The following CA10 variants were observed in gnomAD, a reference collection of about 807,000 sequenced individuals.
CA10 encodes the protein carbonic anhydrase-related protein 10.
CA10 carries 14 observed loss-of-function variants against 44.2 expected under a neutral mutation model. The observed-to-expected ratio is 0.32, with a 90% CI of 0.21 to 0.50. The LOEUF (loss-of-function observed/expected upper bound fraction) is 0.50. Ranked by LOEUF, CA10 falls within the 20% of genes least tolerant of loss-of-function variation. The pLI is 0.99. For synonymous variants in CA10, 159 were observed against 141.6 expected (o/e 1.12, Z -0.87); for missense variants, 350 against 409.7 (o/e 0.85, Z 1.26).
At chr17:51,758,704 C>T (rs1905139936) in intron 3 of CA10, among the ~76,000 whole-genome samples, 1 of 152,146 alleles carries the variant, frequency 6.6e-6, no homozygotes, top group South Asian at 2.1e-4. Context: ...CCACTGCCAA[C>T]CAATGGTTTT....
At chr17:52,117,071 G>A (rs1298029175) in intron 1 of CA10, among the ~76,000 whole-genome samples, 2 of 152,154 alleles carry the variant, frequency 1.3e-5, no homozygotes, top group Non-Finnish European at 2.9e-5. Context: ...AATTAGAAGT[G>A]TATATCCAAG....
At chr17:51,687,231 T>G (rs1349714435) in intron 4 of CA10, among the ~76,000 whole-genome samples, 2 of 152,242 alleles carry the variant, frequency 1.3e-5, no homozygotes, top group Admixed American at 6.5e-5. Context: ...TAAAATATAC[T>G]TCCTTTGATC....
intron 1 of CA10, among the ~76,000 whole-genome samples, chr17:52,142,642 T>C (rs1266481741): frequency 1.3e-5 from 2 of 152,180 alleles, no homozygotes; most frequent in African/African-American, 4.8e-5. Flanking sequence ...TACCATTTCA[T>C]TCTGATTCAC....
At chr17:52,145,081 CT>C (rs1363458145) in intron 1 of CA10, among the ~76,000 whole-genome samples, 1 of 152,188 alleles carries the variant, frequency 6.6e-6, no homozygotes, top group African/African-American at 2.4e-5. Flanking sequence ...ATGACGACCC[CT>C]AGACTCTTTC....
At chr17:52,003,264 C>T (rs1423146131) in intron 2 of CA10, among the ~76,000 whole-genome samples, 2 of 151,840 alleles carry the variant, frequency 1.3e-5, no homozygotes, top group Non-Finnish European at 2.9e-5. Context: ...GAAGTCTTCC[C>T]TCACCCCTTT....
chr17:52,133,270 T>C (rs1313642941), intron 1 of CA10, among the ~76,000 whole-genome samples: 2 of 152,130 alleles, frequency 1.3e-5, no homozygotes, highest in African/African-American at 4.8e-5. Context: ...GCCCCAGCGG[T>C]GGGGCATCCG....
At chr17:51,671,605 C>T (rs981775987) in intron 4 of CA10, among the ~76,000 whole-genome samples, 4 of 152,050 alleles carry the variant, frequency 2.6e-5, no homozygotes, top group South Asian at 2.1e-4. Flanking sequence ...GTGATTTCAC[C>T]GTGTTAGCCA....
intron 3 of CA10, among the ~76,000 whole-genome samples, chr17:51,771,453 A>G (rs1905608962): frequency 6.6e-6 from 1 of 152,172 alleles, no homozygotes; most frequent in South Asian, 2.1e-4. Context: ...ACTTCTCCCT[A>G]TTATATCACC....
chr17:51,938,226 G>T (rs1211954051), intron 2 of CA10, among the ~76,000 whole-genome samples: 1 of 152,156 alleles, frequency 6.6e-6, no homozygotes, highest in Non-Finnish European at 1.5e-5. Context: ...AAATGGTCTA[G>T]CATAATGTTG....
intron 6 of CA10, among the ~76,000 whole-genome samples, chr17:51,638,911 G>C (rs1912953025): frequency 6.6e-6 from 1 of 152,132 alleles, no homozygotes; most frequent in Non-Finnish European, 1.5e-5. Context: ...GTCAAGGAAG[G>C]AGTGGTGTGT....
At chr17:52,013,872 C>G (rs577326668) in intron 2 of CA10, among the ~76,000 whole-genome samples, 2 of 152,024 alleles carry the variant, frequency 1.3e-5, no homozygotes, top group South Asian at 4.2e-4. Context: ...GCCATAGTTT[C>G]CCCATTCATG....
At chr17:52,140,796 C>T (rs1175184450) in intron 1 of CA10, among the ~76,000 whole-genome samples, 1 of 152,188 alleles carries the variant, frequency 6.6e-6, no homozygotes. Flanking sequence ...GCCTAAGCCG[C>T]TGCTTCTTGA....
chr17:52,110,131 C>A (rs1173630760), intron 1 of CA10, among the ~76,000 whole-genome samples: 5 of 152,196 alleles, frequency 3.3e-5, no homozygotes, highest in Admixed American at 3.3e-4. Flanking sequence ...TCTGTATAAG[C>A]ATGTGATAAA....
intron 1 of CA10, among the ~76,000 whole-genome samples, chr17:52,110,630 G>A (rs879643814): frequency 5.9e-5 from 9 of 152,166 alleles, no homozygotes; most frequent in Admixed American, 5.2e-4. Context: ...AGAGTCGGGG[G>A]AGGAGCTAAG....
At chr17:51,890,516 T>C (rs1287771840) in intron 3 of CA10, among the ~76,000 whole-genome samples, 1 of 152,242 alleles carries the variant, frequency 6.6e-6, no homozygotes, top group East Asian at 1.9e-4. Flanking sequence ...TTTGTTTTTT[T>C]TGCCTTTTAA....
chr17:51,672,843 T>A (rs1343409543), intron 4 of CA10, among the ~76,000 whole-genome samples: 1 of 152,216 alleles, frequency 6.6e-6, no homozygotes, highest in African/African-American at 2.4e-5. Flanking sequence ...CCTGCCAGTC[T>A]CAGTCTTCTC....
chr17:51,882,608 A>G (rs1211932012), intron 3 of CA10, among the ~76,000 whole-genome samples: 1 of 152,174 alleles, frequency 6.6e-6, no homozygotes, highest in Non-Finnish European at 1.5e-5. Context: ...CGCCTGATTT[A>G]GGATGTCAAG....
chr17:51,714,390 C>G (rs536436617), intron 4 of CA10, among the ~76,000 whole-genome samples: 1 of 152,182 alleles, frequency 6.6e-6, no homozygotes, highest in Non-Finnish European at 1.5e-5. Context: ...TAATACCTGT[C>G]TTCTCACAGG....
At chr17:51,965,678 T>C (rs1984054363) in intron 2 of CA10, among the ~76,000 whole-genome samples, 1 of 151,880 alleles carries the variant, frequency 6.6e-6, no homozygotes, top group South Asian at 2.1e-4. Context: ...ATAAAAGCCC[T>C]CAAGAGACTA....
Sources: gnomAD v4.1 joint callset for allele counts (sites outside exome capture counted in the v4.1 genomes callset) on GRCh38, gnomAD v4.1.1 for gene constraint, MANE v1.5 for transcripts, NCBI Gene and HGNC (gene_info 2026-07-23, HGNC 2026-07-21) for gene names.